PPARG: variants seen among roughly 807,000 people sequenced by gnomAD.
The protein encoded by PPARG is peroxisome proliferator activated receptor gamma, also known as peroxisome proliferator-activated receptor gamma.
In PPARG, 17 loss-of-function variants were observed where a neutral mutation model predicts 39.2. The ratio of observed to expected loss-of-function variants is 0.43; its 90% CI spans 0.30 to 0.65. PPARG has a LOEUF of 0.65. Ranked by LOEUF, PPARG falls within the 30% of genes least tolerant of loss-of-function variation. The pLI is 0.13. For synonymous variants in PPARG, 223 were observed against 215.7 expected, an observed-to-expected ratio of 1.03 and a Z score of -0.30; for missense variants, 406 against 585.9, an observed-to-expected ratio of 0.69 and a Z score of 3.17.
chr3:12,377,770 A>G (rs2049470962), intron 2 of PPARG, among the ~76,000 whole-genome samples: 1 of 152,176 alleles, frequency 6.6e-6, no homozygotes, highest in African/African-American at 2.4e-5. Flanking sequence ...TCAAACTAGA[A>G]ACTTCTTCAC....
chr3:12,354,546 G>A (rs1488902756), intron 2 of PPARG, among the ~76,000 whole-genome samples: 1 of 151,962 alleles, frequency 6.6e-6, no homozygotes, highest in African/African-American at 2.4e-5. Context: ...GAGGTCAAGA[G>A]GTCAAGACCA....
intron 1 of PPARG, among the ~76,000 whole-genome samples, chr3:12,311,628 G>A (rs146942338): frequency 6.6e-6 from 1 of 151,138 alleles, no homozygotes; most frequent in Non-Finnish European, 1.5e-5. Context: ...TGTGTAGAAT[G>A]TCGGGTCTCG....
intron 1 of PPARG, among the ~76,000 whole-genome samples, chr3:12,303,154 C>A (rs2046971524): frequency 6.6e-6 from 1 of 151,964 alleles, no homozygotes; most frequent in Non-Finnish European, 1.5e-5. Context: ...AGACCGCTGC[C>A]CTAAAGGATG....
chr3:12,355,587 C>T (rs2048635950), intron 2 of PPARG, among the ~76,000 whole-genome samples: 1 of 152,002 alleles, frequency 6.6e-6, no homozygotes, highest in Admixed American at 6.5e-5. Flanking sequence ...ATCACCAGTA[C>T]TTGGCAGATT....
At chr3:12,404,474 G>C (rs1010624467) in intron 5 of PPARG, among the ~76,000 whole-genome samples, 2 of 152,148 alleles carry the variant, frequency 1.3e-5, no homozygotes, top group African/African-American at 4.8e-5. Flanking sequence ...CATGTCTCAT[G>C]GTAGAAATGC....
chr3:12,296,254 C>CAAAAAAAAA (rs545210244), intron 1 of PPARG, among the ~76,000 whole-genome samples: 10 of 48,644 alleles, frequency 2.1e-4, no homozygotes, highest in South Asian at 2.3e-3. Context: ...CACTTTGTCT[C>CAAAAAAAAA]AAAAAAAAAA....
At chr3:12,295,306 G>C (rs560092845) in intron 1 of PPARG, among the ~76,000 whole-genome samples, 1 of 152,212 alleles carries the variant, frequency 6.6e-6, no homozygotes, top group African/African-American at 2.4e-5. Flanking sequence ...TAAGAATGAT[G>C]TCAATATAAA....
chr3:12,329,180 A>C (rs1180490755), intron 2 of PPARG, among the ~76,000 whole-genome samples: 1 of 152,182 alleles, frequency 6.6e-6, no homozygotes, highest in Non-Finnish European at 1.5e-5. Context: ...AAAAAAAAAA[A>C]AAACCTACTG....
At chr3:12,359,472 C>T (rs983564503) in intron 2 of PPARG, among the ~76,000 whole-genome samples, 2 of 151,954 alleles carry the variant, frequency 1.3e-5, no homozygotes, top group Admixed American at 6.6e-5. Flanking sequence ...AAATGGAATG[C>T]CTCAAAAGAC....
chr3:12,335,846 A>C (rs528129209), intron 2 of PPARG, among the ~76,000 whole-genome samples: 1 of 150,492 alleles, frequency 6.6e-6, no homozygotes, highest in African/African-American at 2.5e-5. Flanking sequence ...AAAAAAAAAA[A>C]AAACAAGAAT....
At chr3:12,400,099 T>C (rs1226256538) in intron 5 of PPARG, among the ~76,000 whole-genome samples, 1 of 152,148 alleles carries the variant, frequency 6.6e-6, no homozygotes, top group African/African-American at 2.4e-5. Context: ...CCATAAGACA[T>C]AGCCTTACTA....
intron 2 of PPARG, among the ~76,000 whole-genome samples, chr3:12,315,822 T>C (rs766931479): frequency 5.4e-4 from 82 of 152,232 alleles, no homozygotes; most frequent in Admixed American, 7.2e-4. Flanking sequence ...TTAGCAGTGT[T>C]TTTTGTTGGT....
intron 2 of PPARG, among the ~76,000 whole-genome samples, chr3:12,342,716 T>C (rs2048218254): frequency 6.6e-6 from 1 of 152,078 alleles, no homozygotes; most frequent in South Asian, 2.1e-4. Context: ...AGTGGAAGTA[T>C]AATCATTTTG....
chr3:12,408,655 C>A (rs1304223943), intron 6 of PPARG, among the ~76,000 whole-genome samples: 2 of 144,824 alleles, frequency 1.4e-5, no homozygotes, highest in African/African-American at 5.2e-5. Context: ...GCCTTGAACT[C>A]GGGGCTCAAG....
intron 6 of PPARG, among the ~76,000 whole-genome samples, chr3:12,408,567 C>CTTTTCTT (rs2050758184): frequency 1.8e-5 from 2 of 113,268 alleles, no homozygotes; most frequent in African/African-American, 7.3e-5. Context: ...CTTTTCTTTT[C>CTTTTCTT]TTTTTTTTTT....
chr3:12,429,449 G>A (rs1300601748), intron 7 of PPARG, among the ~76,000 whole-genome samples: 1 of 151,624 alleles, frequency 6.6e-6, no homozygotes, highest in Non-Finnish European at 1.5e-5. Context: ...TGGGAGCGGT[G>A]GCTCCCGCTT....
At position 12,387,044 on chromosome 3, in the gene PPARG, T is replaced by C. The variant is rs953765479; in HGVS notation, c.390+5553T>C. On this transcript the variant is annotated intron_variant, in intron 4 of 7. Transcript: ENST00000651735. ...TCCATCCATGCCCCTGCAAAGGATA[T>C]GGACTCATCCTTTTTTATGGCTGCA... 3.3e-5 allele frequency among the ~76,000 whole-genome samples: 5 copies of C among 152,226 alleles called. No homozygotes were observed. In the South Asian group the frequency reaches 1.0e-3, roughly 32 times the overall value.
At chr3:12,381,664 AGCTTC>A (rs2049667330) in intron 4 of PPARG, among the ~76,000 whole-genome samples, 173 bp downstream of exon 4, 1 of 152,040 alleles carries the variant, frequency 6.6e-6, no homozygotes, top group Admixed American at 6.6e-5. Flanking sequence ...TGCAGCCTTG[AGCTTC>A]TGGGCTCAAG....
At chr3:12,422,120 G>A (rs899190454) in intron 7 of PPARG, among the ~76,000 whole-genome samples, 6 of 152,224 alleles carry the variant, frequency 3.9e-5, no homozygotes, top group Non-Finnish European at 7.3e-5. Flanking sequence ...TGGAATTAAA[G>A]TAGAATCAAA....
Sources: allele counts gnomAD v4.1 joint callset (sites outside exome capture counted in the v4.1 genomes callset), GRCh38; gene constraint gnomAD v4.1.1; transcripts MANE v1.5; gene names NCBI Gene and HGNC (gene_info 2026-07-23, HGNC 2026-07-21).